Variants in BLTP1 observed in about 807,000 individuals in gnomAD.
BLTP1 encodes the protein bridge-like lipid transfer protein family member 1, also known as fragile site-associated protein.
chr4:122,278,992 T>G, the BLTP1 span, among the ~76,000 whole-genome samples: 1 of 152,200 alleles, frequency 6.6e-6, no homozygotes, highest in African/African-American at 2.4e-5. Flanking sequence ...TTGCTTTGAT[T>G]GTACTTTAGT....
At chr4:122,293,276 A>G in the BLTP1 span, 3 of 602,858 alleles carry the variant, frequency 5.0e-6, no homozygotes, top group Non-Finnish European at 6.2e-6. Flanking sequence ...GGACTCTCAC[A>G]CAGAGGAATG....
At chr4:122,288,181 T>G in the BLTP1 span, among the ~76,000 whole-genome samples, 1 of 152,140 alleles carries the variant, frequency 6.6e-6, no homozygotes, top group Non-Finnish European at 1.5e-5. Context: ...TGCCAGAAAT[T>G]TAATACCTTG....
At chr4:122,305,463 G>T in the BLTP1 span, 1 of 972,772 alleles carries the variant, frequency 1.0e-6, no homozygotes, top group Non-Finnish European at 1.2e-6. Flanking sequence ...AAATTATTAT[G>T]TAGATTTTAA....
At chr4:122,332,499 C>T in the BLTP1 span, among the ~76,000 whole-genome samples, 5 of 151,890 alleles carry the variant, frequency 3.3e-5, no homozygotes, top group Admixed American at 6.6e-5. Context: ...TGTATAGTTA[C>T]GGAACATACA....
chr4:122,349,957 G>C, the BLTP1 span: 1 of 1,613,758 alleles, frequency 6.2e-7, no homozygotes, highest in Non-Finnish European at 8.5e-7. The surrounding 1 kb of genome is among the most constrained non-coding windows in gnomAD (Gnocchi z 4.5). Flanking sequence ...GAAGCTCCAG[G>C]AATTTTTCAC....
At chr4:122,244,873 T>C in the BLTP1 span, 5 of 1,054,008 alleles carry the variant, frequency 4.7e-6, no homozygotes, top group Non-Finnish European at 5.2e-6. Flanking sequence ...GTATAATTTC[T>C]AAATATGTGG....
chr4:122,292,647 C>A, the BLTP1 span: 1 of 893,070 alleles, frequency 1.1e-6, no homozygotes, highest in Non-Finnish European at 1.3e-6. Flanking sequence ...TGCTTTTAAC[C>A]AAGTGAAAAG....
chr4:122,352,855 G>A, the BLTP1 span: 1 of 1,597,754 alleles, frequency 6.3e-7, no homozygotes, highest in South Asian at 1.1e-5. Flanking sequence ...CCCTATCCAA[G>A]GGTACTCATT....
chr4:122,289,203 C>A, the BLTP1 span: 3 of 1,567,084 alleles, frequency 1.9e-6, no homozygotes, highest in Non-Finnish European at 2.6e-6. Context: ...GTAAGATGAT[C>A]TAGTACCTTA....
At chr4:122,196,894 T>C in the BLTP1 span, 2 of 562,402 alleles carry the variant, frequency 3.6e-6, no homozygotes, top group Non-Finnish European at 5.7e-6. Context: ...TTAATTTATA[T>C]GAGCTGTTTT....
the BLTP1 span, chr4:122,170,282 G>T: frequency 9.1e-6 from 8 of 879,310 alleles, no homozygotes; most frequent in Non-Finnish European, 1.1e-5. Flanking sequence ...TCCAGCCTGG[G>T]CAACAACAGC....
chr4:122,334,342 A>G, the BLTP1 span: 2 of 1,526,208 alleles, frequency 1.3e-6, no homozygotes, highest in Non-Finnish European at 1.8e-6. Context: ...ATTTCAATAC[A>G]GTTGCATTAC....
the BLTP1 span, chr4:122,331,103 G>T: frequency 1.0e-6 from 1 of 962,318 alleles, no homozygotes. Flanking sequence ...TAAAAGTGGT[G>T]ATTATGTCTG....
the BLTP1 span, chr4:122,337,243 C>A: frequency 2.0e-6 from 1 of 509,874 alleles, no homozygotes; most frequent in Non-Finnish European, 3.4e-6. Flanking sequence ...CTGATTAACC[C>A]ATCACAAACT....
chr4:122,293,020 T>C, the BLTP1 span: 1 of 905,760 alleles, frequency 1.1e-6, no homozygotes, highest in Non-Finnish European at 1.3e-6. Context: ...ACCTCCTTAA[T>C]AACACTTCTT....
chr4:122,275,501 A>C, the BLTP1 span, among the ~76,000 whole-genome samples: 3 of 152,140 alleles, frequency 2.0e-5, no homozygotes, highest in Non-Finnish European at 2.9e-5. Context: ...CGTTACCTTC[A>C]GAAAGTAAAC....
At chr4:122,346,685 G>A in the BLTP1 span, 1 of 1,613,446 alleles carries the variant, frequency 6.2e-7, no homozygotes, top group African/African-American at 1.3e-5. Flanking sequence ...TGAAATTCTG[G>A]CATTTCCAAG....
the BLTP1 span, among the ~76,000 whole-genome samples, chr4:122,223,819 A>G: frequency 4.6e-5 from 7 of 152,212 alleles, no homozygotes; most frequent in African/African-American, 1.7e-4. Flanking sequence ...AGGTAGTTTT[A>G]ACAGAAATTG....
chr4:122,250,544 T>C, the BLTP1 span: 1 of 1,613,622 alleles, frequency 6.2e-7, no homozygotes, highest in Non-Finnish European at 8.5e-7. Context: ...TTCCTCAGAC[T>C]TAAATGGAAA....
Sources: allele counts gnomAD v4.1 joint callset (sites outside exome capture counted in the v4.1 genomes callset), GRCh38; gene constraint gnomAD v4.1.1; non-coding constraint Gnocchi (gnomAD v3.1); transcripts MANE v1.5; gene names NCBI Gene and HGNC (gene_info 2026-07-23, HGNC 2026-07-21).